The following CNTN4 variants were observed in gnomAD, a reference collection of about 807,000 sequenced individuals.
CNTN4 encodes contactin-4.
CNTN4 carries 77 observed loss-of-function variants against 122.5 expected under a neutral mutation model. The observed-to-expected ratio is 0.63, with a 90% confidence interval of 0.52 to 0.76. The LOEUF (loss-of-function observed/expected upper bound fraction) is 0.76. Ranked by LOEUF, CNTN4 falls within the 30% of genes least tolerant of loss-of-function variation. The pLI is 0.00. For synonymous variants in CNTN4, 512 were observed against 447.0 expected (o/e 1.15, Z -1.83); for missense variants, 1,256 against 1,259.1 (o/e 1.00, Z 0.04).
chr3:2,443,751 A>G (rs1194308648), intron 3 of CNTN4, among the ~76,000 whole-genome samples: 1 of 152,148 alleles, frequency 6.6e-6, no homozygotes, highest in Non-Finnish European at 1.5e-5. Context: ...AGGTTAGTTC[A>G]TCCATAAAGG....
At position 2,463,663 on chromosome 3, in the gene CNTN4, G is replaced by A. The variant is rs567759830; in HGVS notation, c.-88-107753G>A. Among the ~76,000 whole-genome samples the A allele has an allele frequency of 2.0e-5, 3 of 152,262 alleles. No homozygotes were observed. In the East Asian group the frequency reaches 5.8e-4, roughly 29 times the overall value. ...AATCCCAGCTACTTGGGAAGCTGAG[G>A]CAGGAGAATTGGTTGAACCTTGGGG... is the stretch of plus-strand genomic sequence containing the variant. On this transcript the variant is annotated intron_variant, in intron 3 of 24. Coordinates refer to ENST00000418658, the MANE Select transcript of CNTN4 (RefSeq NM_175607.3).
intron 3 of CNTN4, among the ~76,000 whole-genome samples, chr3:2,394,993 G>C (rs916868679): frequency 6.6e-6 from 1 of 151,880 alleles, no homozygotes; most frequent in African/African-American, 2.4e-5. Flanking sequence ...TACCATGTTG[G>C]CCAGGCTGGT....
At chr3:2,859,940 T>G (rs560457994) in intron 7 of CNTN4, among the ~76,000 whole-genome samples, 39 of 152,188 alleles carry the variant, frequency 2.6e-4, no homozygotes, top group Non-Finnish European at 1.3e-4. Flanking sequence ...GGGGAAGTTA[T>G]AAGTCATACT....
intron 4 of CNTN4, among the ~76,000 whole-genome samples, chr3:2,609,247 C>G (rs965596810): frequency 3.3e-5 from 5 of 152,180 alleles, no homozygotes; most frequent in African/African-American, 1.2e-4. Context: ...GATGTGCCCT[C>G]GTGAATGGAT....
chr3:2,457,448 C>T (rs1041710662), intron 3 of CNTN4, among the ~76,000 whole-genome samples: 2 of 151,988 alleles, frequency 1.3e-5, no homozygotes, highest in African/African-American at 2.4e-5. Context: ...AATAAAGTCA[C>T]GGTATATATA....
chr3:3,052,329 C>T (rs1420298114), intron 23 of CNTN4, among the ~76,000 whole-genome samples: 9 of 152,122 alleles, frequency 5.9e-5, no homozygotes. Context: ...CTATCCACTA[C>T]AACAGGAGGA....
chr3:2,404,728 A>G (rs910717313), intron 3 of CNTN4, among the ~76,000 whole-genome samples: 8 of 152,232 alleles, frequency 5.3e-5, no homozygotes, highest in African/African-American at 1.7e-4. Flanking sequence ...ATTTGATAGA[A>G]TAATCAGTAA....
At chr3:2,604,138 A>C (rs1215607863) in intron 4 of CNTN4, among the ~76,000 whole-genome samples, 1 of 152,200 alleles carries the variant, frequency 6.6e-6, no homozygotes, top group Non-Finnish European at 1.5e-5. Flanking sequence ...AAGAAAAAGA[A>C]AGTAGGATTC....
chr3:3,048,767 A>T (rs1237165790), intron 23 of CNTN4, among the ~76,000 whole-genome samples: 1 of 152,146 alleles, frequency 6.6e-6, no homozygotes, highest in African/African-American at 2.4e-5. Flanking sequence ...TTCCTCCCAA[A>T]TACTGAACAT....
intron 3 of CNTN4, among the ~76,000 whole-genome samples, chr3:2,536,199 C>G (rs2077798173): frequency 6.6e-6 from 1 of 152,162 alleles, no homozygotes; most frequent in Admixed American, 6.6e-5. Context: ...GTTTATATAT[C>G]TGGGAACCTT....
At chr3:2,934,539 G>A (rs771905955) in intron 13 of CNTN4, among the ~76,000 whole-genome samples, 22 of 152,242 alleles carry the variant, frequency 1.4e-4, no homozygotes, top group Non-Finnish European at 4.4e-5. Flanking sequence ...CAAATGTGAT[G>A]GCAGGTATTT....
chr3:2,892,537 A>G (rs2094055228), intron 10 of CNTN4, among the ~76,000 whole-genome samples: 1 of 152,244 alleles, frequency 6.6e-6, no homozygotes, highest in South Asian at 2.1e-4. Flanking sequence ...AGGGAAATAT[A>G]AAATGTATTT....
At chr3:2,696,079 A>AT (rs966357290) in intron 4 of CNTN4, among the ~76,000 whole-genome samples, 1 of 152,152 alleles carries the variant, frequency 6.6e-6, no homozygotes, top group African/African-American at 2.4e-5. Context: ...ATACATTCTG[A>AT]TTTTCTAATT....
At chr3:2,516,247 C>T (rs1255359040) in intron 3 of CNTN4, among the ~76,000 whole-genome samples, 2 of 151,746 alleles carry the variant, frequency 1.3e-5, no homozygotes, top group African/African-American at 4.8e-5. Context: ...AGTAGATATC[C>T]TGGCTTTTTA....
chr3:2,228,041 G>A (rs542865218), intron 2 of CNTN4, among the ~76,000 whole-genome samples: 1 of 149,374 alleles, frequency 6.7e-6, no homozygotes, highest in East Asian at 2.0e-4. Flanking sequence ...TTTTTCCAAA[G>A]ATTACTAACA....
chr3:2,894,876 C>G (rs2094089238), intron 10 of CNTN4, among the ~76,000 whole-genome samples: 1 of 152,092 alleles, frequency 6.6e-6, no homozygotes, highest in Non-Finnish European at 1.5e-5. Context: ...TCTGAACTGA[C>G]TTATTGGAGT....
intron 3 of CNTN4, among the ~76,000 whole-genome samples, chr3:2,356,422 T>C (rs1023195376): frequency 1.3e-5 from 2 of 152,132 alleles, no homozygotes; most frequent in Non-Finnish European, 2.9e-5. Flanking sequence ...CCGTATAGGG[T>C]AACTTCCTGA....
At chr3:2,302,058 C>T (rs1425127062) in intron 2 of CNTN4, among the ~76,000 whole-genome samples, 1 of 152,174 alleles carries the variant, frequency 6.6e-6, no homozygotes, top group African/African-American at 2.4e-5. Flanking sequence ...TGATCTTAAA[C>T]CCATTTATAT....
At chr3:2,388,214 A>G (rs963566195) in intron 3 of CNTN4, among the ~76,000 whole-genome samples, 1 of 152,206 alleles carries the variant, frequency 6.6e-6, no homozygotes, top group African/African-American at 2.4e-5. Context: ...TACATTTGCT[A>G]AAAAATTTTC....
Sources: allele counts gnomAD v4.1 joint callset (sites outside exome capture counted in the v4.1 genomes callset), GRCh38; gene constraint gnomAD v4.1.1; transcripts MANE v1.5; gene names NCBI Gene and HGNC (gene_info 2026-07-23, HGNC 2026-07-21).